CTNND2: variants seen among roughly 807,000 people sequenced by gnomAD.
CTNND2 encodes the protein catenin delta 2, also known as catenin delta-2.
CTNND2 carries 22 observed loss-of-function variants against 144.4 expected under a neutral mutation model. The ratio of observed to expected loss-of-function variants is 0.15; its 90% CI spans 0.11 to 0.22. CTNND2 has a LOEUF of 0.22. Among genes scored for constraint, CTNND2 ranks in the 10% least tolerant of loss-of-function variants. CTNND2 has a pLI of 1.00. For missense variants in CTNND2, 1,353 were observed against 1,618.8 expected, an observed-to-expected ratio of 0.84 and a Z score of 2.82; for synonymous variants, 751 against 695.6, an observed-to-expected ratio of 1.08 and a Z score of -1.25.
At chr5:11,074,695 GA>G (rs1401486213) in intron 16 of CTNND2, among the ~76,000 whole-genome samples, 7 of 152,014 alleles carry the variant, frequency 4.6e-5, no homozygotes, top group Non-Finnish European at 8.8e-5. Flanking sequence ...TTCTCCAAAG[GA>G]AAAAACATTT....
chr5:11,782,405 T>C (rs922115336), intron 1 of CTNND2, among the ~76,000 whole-genome samples: 1 of 13,160 alleles, frequency 7.6e-5, no homozygotes, highest in East Asian at 4.0e-3. Context: ...GAAAATGAGA[T>C]AGAAGGAGAT....
chr5:11,373,400 G>T (rs1757635061), intron 7 of CTNND2, among the ~76,000 whole-genome samples: 1 of 152,116 alleles, frequency 6.6e-6, no homozygotes, highest in Admixed American at 6.5e-5. Flanking sequence ...TTTAGACATG[G>T]GTGGGCTGGA....
rs551579764 is a variant in CTNND2 at position 11,357,132 on chromosome 5, A to T, written c.1372+7564T>A. On this transcript the variant is annotated intron_variant, in intron 8 of 21. Coordinates refer to ENST00000304623, the MANE Select transcript of CTNND2 (RefSeq NM_001332.4). ...AAACAATATGTTGGTTCCTCAAAAA[A>T]TTAAAAATAGAGTTACCATGTGATC... Among the ~76,000 whole-genome samples the T allele has an allele frequency of 3.3e-5, 5 of 152,256 alleles. No homozygotes were observed. In the South Asian group the frequency reaches 1.0e-3, roughly 32 times the overall value.
intron 3 of CTNND2, among the ~76,000 whole-genome samples, chr5:11,518,026 G>A (rs4702809): frequency 0.1 from 15,461 of 152,106 alleles, 956 homozygotes; most frequent in Admixed American, 0.16. Flanking sequence ...TTGGTGGAAC[G>A]GGGCAATGGG....
chr5:11,305,461 C>T (rs1309438472), intron 9 of CTNND2, among the ~76,000 whole-genome samples: 1 of 152,204 alleles, frequency 6.6e-6, no homozygotes, highest in Non-Finnish European at 1.5e-5. Context: ...GCCATTTCCC[C>T]AGGCAGCAAT....
chr5:11,368,931 T>C (rs1757215639), intron 7 of CTNND2, among the ~76,000 whole-genome samples: 1 of 152,204 alleles, frequency 6.6e-6, no homozygotes, highest in Non-Finnish European at 1.5e-5. Context: ...CACATCAAAA[T>C]AGGTGTCCTC....
At chr5:11,522,383 T>C (rs537246890) in intron 3 of CTNND2, among the ~76,000 whole-genome samples, 1 of 152,314 alleles carries the variant, frequency 6.6e-6, no homozygotes, top group African/African-American at 2.4e-5. Flanking sequence ...CTGAAACCTG[T>C]CAGTTCCCTT....
At chr5:11,421,090 C>T (rs756877419) in intron 3 of CTNND2, among the ~76,000 whole-genome samples, 2 of 152,210 alleles carry the variant, frequency 1.3e-5, no homozygotes, top group East Asian at 1.9e-4. Flanking sequence ...TATAGCAGCT[C>T]GTCTGACCTC....
chr5:11,436,032 G>T (rs1236520955), intron 3 of CTNND2, among the ~76,000 whole-genome samples: 5 of 151,834 alleles, frequency 3.3e-5, no homozygotes, highest in Non-Finnish European at 5.9e-5. Flanking sequence ...ACGACGGCAG[G>T]GCAGAGTTAG....
intron 14 of CTNND2, among the ~76,000 whole-genome samples, chr5:11,109,661 A>C (rs1752759470): frequency 6.6e-6 from 1 of 152,184 alleles, no homozygotes; most frequent in African/African-American, 2.4e-5. Flanking sequence ...GTGAGGTATA[A>C]ATTTCTCTGA....
intron 11 of CTNND2, among the ~76,000 whole-genome samples, chr5:11,163,898 A>G (rs995275003): frequency 6.6e-6 from 1 of 152,176 alleles, no homozygotes; most frequent in Non-Finnish European, 1.5e-5. Flanking sequence ...CTTATTTCCA[A>G]CTGCTGCCTT....
intron 1 of CTNND2, among the ~76,000 whole-genome samples, chr5:11,836,284 G>C (rs1381475420): frequency 6.6e-6 from 1 of 152,158 alleles, no homozygotes; most frequent in Non-Finnish European, 1.5e-5. Context: ...AAATGATCAT[G>C]ATTTCCCTAG....
At chr5:11,662,100 CAT>C (rs1160902879) in intron 2 of CTNND2, among the ~76,000 whole-genome samples, 2 of 147,140 alleles carry the variant, frequency 1.4e-5, no homozygotes, top group South Asian at 2.1e-4. Context: ...CATATATACA[CAT>C]ATTTATGTGT....
Position 11,034,902 on chromosome 5 carries a change from A to C in CTNND2, c.2789-11923T>G, listed in dbSNP as rs1398428863. ...TTATTATTATTATACTTTAAGTTTT[A>C]GGGTACATGTGCACAGTGTGCAGGT... On this transcript the variant is annotated intron_variant, in intron 16 of 21. Coordinates refer to ENST00000304623, the MANE Select transcript of CTNND2 (RefSeq NM_001332.4). Among the ~76,000 whole-genome samples, 2 of 151,300 alleles carry C rather than the reference A, an allele frequency of 1.3e-5. 1 individual carries two copies. The highest frequency in any genetic ancestry group is 4.9e-5 in the African/African-American group (2 of 41,106).
chr5:11,448,828 C>G (rs1765066479), intron 3 of CTNND2, among the ~76,000 whole-genome samples: 1 of 151,488 alleles, frequency 6.6e-6, no homozygotes, highest in African/African-American at 2.4e-5. Context: ...ACCACCAGGC[C>G]TGGCTTTTTG....
intron 3 of CTNND2, among the ~76,000 whole-genome samples, chr5:11,412,970 G>A (rs979350671): frequency 6.6e-6 from 1 of 152,128 alleles, no homozygotes. Flanking sequence ...CTTAGAGGTG[G>A]GTTCTGAATA....
At position 11,903,680 on chromosome 5, in the gene CTNND2, A is replaced by T; in HGVS notation, c.37+137T>A. ...GCGCGATCGCGGTCCTCCCCGAGGC[A>T]GGCAGAAACCCCGCAGCAGCCGCCG... On this transcript the variant is annotated intron_variant, in intron 1 of 21. Coordinates refer to ENST00000304623, the MANE Select transcript of CTNND2 (RefSeq NM_001332.4). This position sits in a 1 kb window ranked among gnomAD's most constrained non-coding sequence, Gnocchi z 5.4. 1.1e-6 allele frequency: 1 copy of T among 929,376 alleles called. No individual in the cohort carries two copies. The highest frequency in any genetic ancestry group is 1.5e-6 in the Non-Finnish European group (1 of 676,182). 57.6% of individuals were successfully genotyped at this position (929,376 alleles called of 1,614,324 possible). A position where few individuals can be genotyped will look rare whatever the true frequency, so the allele number is the denominator to read the frequency against.
At chr5:10,999,104 A>ATCT in intron 18 of CTNND2, among the ~76,000 whole-genome samples, 1 of 152,232 alleles carries the variant, frequency 6.6e-6, no homozygotes, top group Non-Finnish European at 1.5e-5. Context: ...ATTGTATAAA[A>ATCT]TCTTTAGTCA....
In CTNND2 at chr5:11,033,309, C is replaced by G. The variant is rs147110375; in HGVS notation, c.2789-10330G>C. Among the ~76,000 whole-genome samples, 181 of 152,234 alleles carry G rather than the reference C, an allele frequency of 1.2e-3. 1 individual carries two copies. Among genetic ancestry groups the G allele is most frequent in the African/African-American group, 4.4e-3 (181 of 41,544 alleles). ...AAGTTCCTGAATCCTCCAGCTTACC[C>G]AAGAGTTTGCTGGGGATTCTTCTGT... On this transcript the variant is annotated intron_variant, in intron 16 of 21. Coordinates refer to ENST00000304623, the MANE Select transcript of CTNND2 (RefSeq NM_001332.4).
Sources: gnomAD v4.1 joint callset for allele counts (sites outside exome capture counted in the v4.1 genomes callset) on GRCh38, gnomAD v4.1.1 for gene constraint, Gnocchi (gnomAD v3.1) non-coding constraint, MANE v1.5 for transcripts, NCBI Gene and HGNC (gene_info 2026-07-23, HGNC 2026-07-21) for gene names.